KCNA3: variants seen among roughly 807,000 people sequenced by gnomAD.
The protein encoded by KCNA3 is potassium voltage-gated channel subfamily A member 3.
A neutral mutation model predicts 34.3 loss-of-function variants in KCNA3; 18 were observed. That is an observed-to-expected ratio of 0.52 (90% CI 0.36 to 0.78). The LOEUF is 0.78. KCNA3 is among the 30% of genes least tolerant of loss of function. The pLI is 0.00. For synonymous variants in KCNA3, 324 were observed against 351.7 expected (o/e 0.92, Z 0.88); for missense variants, 587 against 802.5 (o/e 0.73, Z 3.24).
At position 110,674,745 on chromosome 1, in the gene KCNA3, G is replaced by C; in HGVS notation, c.65C>G (p.Pro22Arg). Residue 22 changes from proline to arginine, a missense_variant, in exon 1 of 1, where the codon CCT becomes CGT. By Grantham distance (103) the Pro-to-Arg change is moderately radical. Around this residue, in one of 7 missense-constraint regions of KCNA3, gnomAD observed 341 missense variants for 355.4 expected, o/e 0.96. Coordinates refer to ENST00000369769, the MANE Select transcript of KCNA3 (RefSeq NM_002232.5). The surrounding 1 kb of genome is among the most constrained non-coding windows in gnomAD (Gnocchi z 6.4). ...PPPSARHRAH[P>R]PQRPASSGGA... The stretch of plus-strand genomic sequence containing the variant: ...GCCGCTGCTCGCTGGGCGCTGAGGA[G>C]GGTGGGCGCGGTGGCGGGCTGAGGG... The C allele has an allele frequency of 7.2e-7, 1 of 1,390,502 alleles. No individual in the cohort carries two copies. Among genetic ancestry groups the C allele is most frequent in the Non-Finnish European group, 9.3e-7 (1 of 1,079,678 alleles). The allele number at this position is 1,390,502 out of a possible 1,614,324, so 86.1% of individuals were successfully genotyped here.
Position 110,674,699 on chromosome 1 carries a change from G to T in KCNA3, c.111C>A (p.Asn37Lys). ...CTGCGGCGGGCTCCGCGTAGCCGTG[G>T]TTCACCAGCGTGTGGGCACCGCCGC... ...ASSGGAHTLVNHGYAEPAAGR... is the reference protein window; with the variant it reads ...ASSGGAHTLVKHGYAEPAAGR... Residue 37 changes from asparagine to lysine, a missense_variant, in exon 1 of 1, where the codon AAC (asparagine) becomes AAA (lysine). Transcript: ENST00000369769. The surrounding 1 kb of genome is among the most constrained non-coding windows in gnomAD (Gnocchi z 6.4). 5 of 1,492,104 alleles carry T rather than the reference G, an allele frequency of 3.4e-6. No individual in the cohort carries two copies. The highest frequency in any genetic ancestry group is 4.4e-6 in the Non-Finnish European group (5 of 1,131,128). 92.4% of individuals were successfully genotyped at this position (1,492,104 alleles called of 1,614,324 possible).
Position 110,674,244 on chromosome 1 carries a change from A to G in KCNA3, c.566T>C (p.Leu189Pro). 1 of 1,613,954 alleles carries G rather than the reference A, an allele frequency of 6.2e-7. No individual in the cohort carries two copies. The highest frequency in any genetic ancestry group is 1.7e-5 in the Admixed American group (1 of 60,028). The change falls in exon 1 of 1, where the codon CTG becomes CCG. Residue 189 changes from leucine to proline, a missense_variant. By Grantham distance (98) the Leu-to-Pro change is moderately conservative. This residue lies in a region of KCNA3 where 341 missense variants were observed against 355.4 expected (regional missense o/e 0.96). Coordinates refer to ENST00000369769, the MANE Select transcript of KCNA3 (RefSeq NM_002232.5). The surrounding 1 kb of genome is among the most constrained non-coding windows in gnomAD (Gnocchi z 6.4). ...GAACTTCTCCATGGCCTCCTCGCCCAGCTGGTAGAAGCGGATCTCCTCGGA... is the reference window on the plus strand; with the variant it reads ...GAACTTCTCCATGGCCTCCTCGCCCGGCTGGTAGAAGCGGATCTCCTCGGA... ...IFSEEIRFYQ[L>P]GEEAMEKFRE...
downstream of KCNA3, among the ~76,000 whole-genome samples, chr1:110,667,577 C>T (rs1438690809): frequency 6.6e-6 from 1 of 152,070 alleles, no homozygotes; most frequent in Non-Finnish European, 1.5e-5. Flanking sequence ...TCCTATTTCA[C>T]TCTATTTAGG....
At chr1:110,669,345 A>G (rs571971348), downstream of KCNA3, among the ~76,000 whole-genome samples, 1 of 152,340 alleles carries the variant, frequency 6.6e-6, no homozygotes, top group East Asian at 1.9e-4. Flanking sequence ...ACTAAACACT[A>G]CTATGACTGG....
the KCNA3 span, among the ~76,000 whole-genome samples, chr1:110,658,759 C>G: frequency 7.1e-3 from 1,078 of 152,066 alleles, 7 homozygotes; most frequent in Middle Eastern, 0.031. Flanking sequence ...TCTCACCACA[C>G]CAAACATCCC....
chr1:110,671,328 A>C (rs1651883487), downstream of KCNA3, among the ~76,000 whole-genome samples: 1 of 152,250 alleles, frequency 6.6e-6, no homozygotes, highest in African/African-American at 2.4e-5. Flanking sequence ...CAAATGAGAA[A>C]GGTGTAAATT....
chr1:110,656,247 A>C, the KCNA3 span: 1 of 152,220 alleles, frequency 6.6e-6, no homozygotes, highest in Non-Finnish European at 1.5e-5. Context: ...TAGGTAATTC[A>C]CTCAGCATTC....
chr1:110,673,443 C>T lies in KCNA3; in HGVS notation c.1367G>A (p.Gly456Glu), dbSNP rs1651961089. 6.2e-7 allele frequency: 1 copy of T among 1,614,150 alleles called. No individual in the cohort carries two copies. Among genetic ancestry groups the T allele is most frequent in the Non-Finnish European group, 8.5e-7 (1 of 1,180,042 alleles). The stretch of plus-strand genomic sequence containing the variant: ...ACAGAGAGATCCCACAATCTTGCCC[C>T]CTATGGTCACTGGGTGCATATCGCC... ...GYGDMHPVTIGGKIVGSLCAI... is the reference protein window; with the variant it reads ...GYGDMHPVTIEGKIVGSLCAI... Residue 456 changes from glycine (G) to glutamate (E), a missense_variant, in exon 1 of 1, where the codon GGG (glycine) becomes GAG (glutamate). By Grantham distance (98) the Gly-to-Glu change is moderately conservative. Coordinates refer to ENST00000369769, the MANE Select transcript of KCNA3 (RefSeq NM_002232.5). The surrounding 1 kb of genome is among the most constrained non-coding windows in gnomAD (Gnocchi z 8.8).
the KCNA3 span, among the ~76,000 whole-genome samples, chr1:110,661,285 G>T: frequency 1.3e-5 from 2 of 152,078 alleles, no homozygotes; most frequent in Non-Finnish European, 2.9e-5. Context: ...CTGTGTGCTG[G>T]GCAATCAATT....
the KCNA3 span, among the ~76,000 whole-genome samples, chr1:110,660,343 C>A: frequency 6.6e-6 from 1 of 152,176 alleles, no homozygotes; most frequent in African/African-American, 2.4e-5. Flanking sequence ...GCCTTAGAAT[C>A]ATCGAAAGGT....
chr1:110,664,230 T>A, the KCNA3 span, among the ~76,000 whole-genome samples: 1 of 152,216 alleles, frequency 6.6e-6, no homozygotes, highest in Admixed American at 6.5e-5. Flanking sequence ...TTAGTCAACA[T>A]GTTTATGTTA....
At chr1:110,660,414 G>C in the KCNA3 span, among the ~76,000 whole-genome samples, 2 of 151,516 alleles carry the variant, frequency 1.3e-5, no homozygotes, top group African/African-American at 4.8e-5. Context: ...GTATTTCCAA[G>C]GATTTTTTTT....
chr1:110,673,193 A>G lies in KCNA3; in HGVS notation c.1617T>C (p.His539=). The G allele has an allele frequency of 6.2e-7, 1 of 1,614,104 alleles. No homozygotes were observed. The highest frequency in any genetic ancestry group is 8.5e-7 in the Non-Finnish European group (1 of 1,180,030). Residue 539 remains histidine (H), a synonymous_variant, in exon 1 of 1, where the codon CAT becomes CAC. Transcript: ENST00000369769. The surrounding 1 kb of genome is among the most constrained non-coding windows in gnomAD (Gnocchi z 8.8). ...YMVIEEGGMN[H]SAFPQTPFKT... ...TGAAAGGGGTCTGGGGGAAAGCGCT[A>G]TGGTTCATACCCCCCTCTTCGATCA...
At chr1:110,663,647 TG>T in the KCNA3 span, among the ~76,000 whole-genome samples, 1 of 152,338 alleles carries the variant, frequency 6.6e-6, no homozygotes, top group East Asian at 1.9e-4. Flanking sequence ...TGGCACTATC[TG>T]CAGTGGTCAT....
downstream of KCNA3, among the ~76,000 whole-genome samples, chr1:110,667,552 T>C (rs1159390700): frequency 6.6e-6 from 1 of 152,174 alleles, no homozygotes; most frequent in Non-Finnish European, 1.5e-5. Flanking sequence ...CAGGCTTTAC[T>C]TTACAGGGCA....
downstream of KCNA3, among the ~76,000 whole-genome samples, chr1:110,669,619 T>C (rs1570798638): frequency 3.9e-5 from 6 of 152,292 alleles, 1 homozygote; most frequent in East Asian, 1.2e-3. Flanking sequence ...GTCTTTCAAG[T>C]CACCTAATAA....
At chr1:110,665,647 C>T in the KCNA3 span, among the ~76,000 whole-genome samples, 2 of 152,024 alleles carry the variant, frequency 1.3e-5, no homozygotes, top group Non-Finnish European at 2.9e-5. Context: ...TACAAATTTA[C>T]ATACACAGAT....
the KCNA3 span, among the ~76,000 whole-genome samples, chr1:110,659,039 T>C: frequency 6.6e-6 from 1 of 152,198 alleles, no homozygotes; most frequent in Non-Finnish European, 1.5e-5. Flanking sequence ...ACTTCACTTA[T>C]TTATATGTAA....
chr1:110,661,284 G>A, the KCNA3 span, among the ~76,000 whole-genome samples: 1 of 152,232 alleles, frequency 6.6e-6, no homozygotes, highest in South Asian at 2.1e-4. Flanking sequence ...ACTGTGTGCT[G>A]GGCAATCAAT....
Sources: allele counts gnomAD v4.1 joint callset (sites outside exome capture counted in the v4.1 genomes callset), GRCh38; gene constraint gnomAD v4.1.1; regional missense constraint gnomAD v4.1.1; non-coding constraint Gnocchi (gnomAD v3.1); transcripts MANE v1.5; gene names NCBI Gene and HGNC (gene_info 2026-07-23, HGNC 2026-07-21).